The following LRRC4B variants were observed in gnomAD, a reference collection of about 807,000 sequenced individuals.
LRRC4B encodes leucine rich repeat containing 4B.
LRRC4B carries 1 observed loss-of-function variant against 7.3 expected under a neutral mutation model. The observed-to-expected ratio is 0.14, with a 90% CI of 0.05 to 0.65. The LOEUF is 0.65. Ranked by LOEUF, LRRC4B falls within the 30% of genes least tolerant of loss-of-function variation. LRRC4B has a pLI of 0.84. For missense variants in LRRC4B, 730 were observed against 1,041.6 expected (o/e 0.70, Z 4.12); for synonymous variants, 500 against 499.2 (o/e 1.00, Z -0.02).
In LRRC4B at chr19:50,553,934, C is replaced by T. The variant is rs1003601946; in HGVS notation, c.-35-5061G>A. ...CACAATGCAGGCTCCCAGCCCTGGA[C>T]ACCCTCGGTCCCCAGGTCCCCTTCC... On this transcript the variant is annotated intron_variant, in intron 1 of 2. Transcript: ENST00000652263. This position sits in a 1 kb window ranked among gnomAD's most constrained non-coding sequence, Gnocchi z 4.2. 6.6e-6 allele frequency among the ~76,000 whole-genome samples: 1 copy of T among 151,934 alleles called. No homozygotes were observed. Among genetic ancestry groups the T allele is most frequent in the African/African-American group, 2.4e-5 (1 of 41,366 alleles).
intron 2 of LRRC4B, among the ~76,000 whole-genome samples, chr19:50,542,212 A>G (rs1981579069): frequency 1.3e-5 from 2 of 152,164 alleles, no homozygotes; most frequent in African/African-American, 4.8e-5. Flanking sequence ...TCCGGTGAGG[A>G]CCAGGTACCT....
chr19:50,518,112 G>A lies in LRRC4B; in HGVS notation c.1601C>T (p.Ala534Val), dbSNP rs1394249749. 1 of 1,595,436 alleles carries A rather than the reference G, an allele frequency of 6.3e-7. No individual in the cohort carries two copies. Among genetic ancestry groups the A allele is most frequent in the East Asian group, 2.2e-5 (1 of 44,624 alleles). ...GGRPGDAAGP[A>V]SSSTTAPAPR... Reference sequence around the variant, plus strand: ...GGCGGGTGCCGTGGTAGAAGACGAGGCAGGGCCGGCCGCGTCCCCAGGCCG... The same window carrying A: ...GGCGGGTGCCGTGGTAGAAGACGAGACAGGGCCGGCCGCGTCCCCAGGCCG... The change falls in exon 3 of 3, where the codon GCC (alanine) becomes GTC (valine). Residue 534 changes from alanine (A) to valine (V), a missense_variant. Physicochemically the swap from Ala to Val is moderately conservative, Grantham distance 64. This residue lies in a region of LRRC4B where 192 missense variants were observed against 228.6 expected (regional missense o/e 0.84). Coordinates refer to ENST00000652263, the MANE Select transcript of LRRC4B (RefSeq NM_001080457.2).
intron 2 of LRRC4B, among the ~76,000 whole-genome samples, chr19:50,520,677 C>T (rs1980536821): frequency 6.6e-6 from 1 of 151,858 alleles, no homozygotes; most frequent in South Asian, 2.1e-4. Context: ...TGGCTTATGC[C>T]TGTAATCCCA....
chr19:50,538,270 C>T (rs750774494), intron 2 of LRRC4B, among the ~76,000 whole-genome samples: 9 of 152,128 alleles, frequency 5.9e-5, no homozygotes, highest in Non-Finnish European at 1.3e-4. Context: ...GCCATGTTGG[C>T]CAGGCTAGTT....
intron 2 of LRRC4B, among the ~76,000 whole-genome samples, chr19:50,530,733 C>T (rs886369238): frequency 1.1e-4 from 16 of 151,822 alleles, no homozygotes; most frequent in Non-Finnish European, 2.1e-4. Flanking sequence ...TTGCTAGGCT[C>T]CTTTTTTGTT....
Position 50,517,660 on chromosome 19 carries a change from C to T in LRRC4B, c.2053G>A (p.Gly685Ser). ...GAGTTGAGGCCAGGCGGGCCTTTGC[C>T]CCCGCAGCCCCCGCCGCTGGGGTTG... The part of the protein sequence containing the change: ...SSNPSGGGCG[G>S]KGPPGLNSIH... The change falls in exon 3 of 3, where the codon GGC (glycine) becomes AGC (serine). Residue 685 changes from glycine (G) to serine (S), a missense_variant. By Grantham distance (56) the Gly-to-Ser change is moderately conservative. Transcript: ENST00000652263. This position sits in a 1 kb window ranked among gnomAD's most constrained non-coding sequence, Gnocchi z 6.6. 4.0e-6 allele frequency: 6 copies of T among 1,513,604 alleles called. No homozygotes were observed. The highest frequency in any genetic ancestry group is 3.5e-6 in the Non-Finnish European group (4 of 1,135,110). The allele number at this position is 1,513,604 out of a possible 1,614,324, so 93.8% of individuals were successfully genotyped here.
intron 1 of LRRC4B, among the ~76,000 whole-genome samples, chr19:50,552,225 T>G (rs1225618253): frequency 3.3e-5 from 3 of 90,620 alleles, no homozygotes; most frequent in Non-Finnish European, 6.3e-5. Flanking sequence ...CACCCCCCAC[T>G]GGGTCTAGGC....
At chr19:50,530,924 A>C in intron 2 of LRRC4B, among the ~76,000 whole-genome samples, 1 of 92,408 alleles carries the variant, frequency 1.1e-5, no homozygotes, top group Non-Finnish European at 2.3e-5. Flanking sequence ...TTTTAGTAGA[A>C]ACCTGGGGGG....
At chr19:50,540,428 T>C (rs1053777345) in intron 2 of LRRC4B, among the ~76,000 whole-genome samples, 6 of 152,140 alleles carry the variant, frequency 3.9e-5, no homozygotes, top group African/African-American at 1.4e-4. Flanking sequence ...AGTGGCACGA[T>C]CTCAGCACAC....
At chr19:50,559,909 A>G (rs932238178) in intron 1 of LRRC4B, among the ~76,000 whole-genome samples, 4 of 152,126 alleles carry the variant, frequency 2.6e-5, no homozygotes, top group Non-Finnish European at 5.9e-5. Context: ...TGAGGCGGGC[A>G]GATCACTTGA....
chr19:50,549,721 G>T (rs1333769507), intron 1 of LRRC4B, among the ~76,000 whole-genome samples: 1 of 152,212 alleles, frequency 6.6e-6, no homozygotes, highest in Non-Finnish European at 1.5e-5. Flanking sequence ...GGTGGCTGGG[G>T]ACCTGACGGG....
chr19:50,552,350 C>T (rs1343806783), intron 1 of LRRC4B, among the ~76,000 whole-genome samples: 1 of 152,072 alleles, frequency 6.6e-6, no homozygotes, highest in East Asian at 1.9e-4. Flanking sequence ...ACCTGATATA[C>T]CGGCACTGGA....
At chr19:50,546,775 C>T (rs1034666418) in intron 2 of LRRC4B, among the ~76,000 whole-genome samples, 12 of 152,302 alleles carry the variant, frequency 7.9e-5, no homozygotes, top group East Asian at 3.9e-4. Context: ...CCAGGTTCTA[C>T]GACGGGGATG....
chr19:50,536,339 G>C (rs1384464678), intron 2 of LRRC4B, among the ~76,000 whole-genome samples: 1 of 152,074 alleles, frequency 6.6e-6, no homozygotes, highest in African/African-American at 2.4e-5. Context: ...TCACTACGTT[G>C]GTCAGGCTGG....
intron 2 of LRRC4B, among the ~76,000 whole-genome samples, chr19:50,535,843 A>G (rs1401936463): frequency 1.3e-5 from 2 of 152,182 alleles, no homozygotes; most frequent in Non-Finnish European, 2.9e-5. Context: ...GTCTGGCTGG[A>G]TGGCTACCCG....
intron 1 of LRRC4B, among the ~76,000 whole-genome samples, chr19:50,558,200 T>TACACACACACACACACACAC (rs71182737): frequency 1.4e-5 from 2 of 147,592 alleles, no homozygotes; most frequent in Non-Finnish European, 3.0e-5. Context: ...ACTGTATACA[T>TACACACACACACACACACAC]ACACACACAC....
chr19:50,545,534 T>C (rs1416806781), intron 2 of LRRC4B, among the ~76,000 whole-genome samples: 2 of 151,736 alleles, frequency 1.3e-5, no homozygotes, highest in East Asian at 1.9e-4. Context: ...GGAGCCATGA[T>C]AGTCCCACTG....
chr19:50,530,721 T>C (rs2122819800), intron 2 of LRRC4B, among the ~76,000 whole-genome samples: 1 of 151,670 alleles, frequency 6.6e-6, no homozygotes, highest in East Asian at 1.9e-4. Flanking sequence ...GCAGGGCACG[T>C]GTTGCTAGGC....
chr19:50,545,017 C>T (rs1981736905), intron 2 of LRRC4B, among the ~76,000 whole-genome samples: 2 of 151,220 alleles, frequency 1.3e-5, no homozygotes, highest in Non-Finnish European at 1.5e-5. Flanking sequence ...GAGGCTGAGG[C>T]GGGAGAATGG....
Sources: gnomAD v4.1 joint callset for allele counts (sites outside exome capture counted in the v4.1 genomes callset) on GRCh38, gnomAD v4.1.1 for gene constraint, gnomAD v4.1.1 regional missense constraint, Gnocchi (gnomAD v3.1) non-coding constraint, MANE v1.5 for transcripts, NCBI Gene and HGNC (gene_info 2026-07-23, HGNC 2026-07-21) for gene names.